The following URGCP variants were observed in gnomAD, a reference collection of about 807,000 sequenced individuals.
URGCP encodes up-regulator of cell proliferation.
Under a neutral mutation model 24.6 loss-of-function variants are expected in URGCP, and 13 were observed. The observed-to-expected ratio is 0.53, with a 90% CI of 0.34 to 0.84. URGCP has a LOEUF of 0.84. Among genes scored for constraint, URGCP ranks in the 40% least tolerant of loss-of-function variants. The pLI, the probability that URGCP is intolerant of heterozygous loss-of-function variation, is 0.01. For missense variants in URGCP, 899 were observed against 1,194.3 expected, an observed-to-expected ratio of 0.75 and a Z score of 3.64; for synonymous variants, 444 against 487.2, an observed-to-expected ratio of 0.91 and a Z score of 1.17.
At chr7:43,926,230 T>C (rs2095930146) in exon 1 of URGCP, 1 of 187,004 alleles carries the variant, frequency 5.3e-6, no homozygotes, top group African/African-American at 2.4e-5. Flanking sequence ...ACCTTGAGGG[T>C]GCTCCGCGCG....
Position 43,877,532 on chromosome 7 carries a change from G to A in URGCP, c.1931C>T (p.Ala644Val). The change falls in exon 6 of 6, where the codon GCC (alanine) becomes GTC (valine). Residue 644 changes from alanine (A) to valine (V), a missense_variant. Physicochemically the swap from Ala to Val is moderately conservative, Grantham distance 64. Transcript: ENST00000453200. Reference sequence around the variant, plus strand: ...CTCCGAGGCCAAGCCTGGGAAGTGGGCAAAACGCCTCTGGCCTGCCGGCAG... The same window carrying A: ...CTCCGAGGCCAAGCCTGGGAAGTGGACAAAACGCCTCTGGCCTGCCGGCAG... ...GRLPAGQRRF[A>V]HFPGLASELL... The A allele has an allele frequency of 6.2e-7, 1 of 1,613,112 alleles. No individual in the cohort carries two copies. The highest frequency in any genetic ancestry group is 8.5e-7 in the Non-Finnish European group (1 of 1,180,020).
chr7:43,914,355 T>C (rs1451629240), intron 1 of URGCP, among the ~76,000 whole-genome samples: 1 of 152,006 alleles, frequency 6.6e-6, no homozygotes, highest in Non-Finnish European at 1.5e-5. Context: ...TCAAAAAAAA[T>C]TTAGCCGGGT....
intron 1 of URGCP, among the ~76,000 whole-genome samples, chr7:43,890,935 A>G (rs2095869770): frequency 1.3e-5 from 2 of 152,250 alleles, no homozygotes; most frequent in South Asian, 4.1e-4. Flanking sequence ...ACAGAAGACA[A>G]TGCAGGGTTA....
intron 1 of URGCP, chr7:43,919,505 C>T: frequency 1.6e-6 from 2 of 1,239,900 alleles, no homozygotes; most frequent in African/African-American, 1.5e-5. Context: ...TCCACTTTCT[C>T]ATGACTGGCT....
intron 1 of URGCP, among the ~76,000 whole-genome samples, chr7:43,914,808 G>T (rs1638855285): frequency 1.3e-5 from 2 of 152,266 alleles, no homozygotes; most frequent in Middle Eastern, 3.4e-3. Context: ...CGGTTTCTTT[G>T]TAGGTTTTCT....
chr7:43,900,223 G>A (rs1477422820), intron 1 of URGCP, among the ~76,000 whole-genome samples: 2 of 151,836 alleles, frequency 1.3e-5, no homozygotes, highest in African/African-American at 2.4e-5. Context: ...GGGAGGCCAA[G>A]GCAGGCGGAT....
chr7:43,894,992 T>C (rs558401769), intron 1 of URGCP, among the ~76,000 whole-genome samples: 1 of 152,180 alleles, frequency 6.6e-6, no homozygotes, highest in Non-Finnish European at 1.5e-5. Flanking sequence ...ATCACACCAC[T>C]GCACTCCAGC....
chr7:43,914,937 T>G (rs1001520120), intron 1 of URGCP, among the ~76,000 whole-genome samples: 1 of 152,180 alleles, frequency 6.6e-6, no homozygotes, highest in African/African-American at 2.4e-5. Flanking sequence ...TTAACACAAA[T>G]GCAGTAAGGG....
rs746365757 is a variant in URGCP at position 43,879,200 on chromosome 7, T to C, written c.263A>G (p.Gln88Arg). The C allele has an allele frequency of 1.2e-6, 2 of 1,613,866 alleles. No homozygotes were observed. The highest frequency in any genetic ancestry group is 1.3e-5 in the African/African-American group (1 of 75,064). The change falls in exon 6 of 6, where the codon CAG becomes CGG. Residue 88 changes from glutamine (Q) to arginine (R), a missense_variant. Transcript: ENST00000453200. ...SLLGLETYQV[Q>R]KLSLQDSLQI... is the part of the protein sequence containing the mutation. ...CAGAGAGTCCTGGAGGCTGAGTTTC[T>C]GGACCTGGTACGTCTCTAGGCCCAA...
chr7:43,920,506 T>A (rs1585842080), intron 1 of URGCP, among the ~76,000 whole-genome samples: 1 of 152,206 alleles, frequency 6.6e-6, no homozygotes, highest in South Asian at 2.1e-4. Context: ...GAGGTTGCAG[T>A]GAGCCAAGAT....
At chr7:43,921,532 T>C (rs1294929938) in intron 1 of URGCP, among the ~76,000 whole-genome samples, 1 of 152,184 alleles carries the variant, frequency 6.6e-6, no homozygotes, top group African/African-American at 2.4e-5. Context: ...GGGACAGATA[T>C]TAGGTTTGCT....
chr7:43,883,451 C>T (rs1474591383), intron 3 of URGCP, among the ~76,000 whole-genome samples: 1 of 149,518 alleles, frequency 6.7e-6, no homozygotes, highest in Non-Finnish European at 1.5e-5. Flanking sequence ...AGCTCTGCCT[C>T]CCGGATTCAT....
chr7:43,878,683 C>T lies in URGCP; in HGVS notation c.780G>A (p.Ala260=), dbSNP rs1337170901. 1.4e-5 allele frequency: 22 copies of T among 1,613,540 alleles called. No homozygotes were observed. The Admixed American group carries it at 1.7e-4, about 12-fold the overall frequency. The change falls in exon 6 of 6, where the codon GCG becomes GCA. Residue 260 remains alanine, a synonymous_variant. Transcript: ENST00000453200. The surrounding 1 kb of genome is among the most constrained non-coding windows in gnomAD (Gnocchi z 5.6). Reference sequence around the variant, plus strand: ...CCATGCGCACGAAGGCGAAGGCGGGCGCCCTGGACAAGACCACGCTGTCTT... The same window carrying T: ...CCATGCGCACGAAGGCGAAGGCGGGTGCCCTGGACAAGACCACGCTGTCTT... The part of the protein sequence containing the change: ...FREDSVVLSR[A]PAFAFVRMDV...
intron 1 of URGCP, among the ~76,000 whole-genome samples, chr7:43,924,614 A>G (rs924417501): frequency 2.3e-4 from 35 of 152,194 alleles, no homozygotes; most frequent in African/African-American, 8.2e-4. Context: ...TTTGACACCA[A>G]GGGGAAGTGC....
At position 43,876,805 on chromosome 7, in the gene URGCP, A is replaced by G. The variant is rs754842270; in HGVS notation, c.2658T>C (p.Pro886=). The G allele has an allele frequency of 2.0e-5, 32 of 1,614,178 alleles. No individual in the cohort carries two copies. The East Asian group carries it at 6.5e-4, about 33-fold the overall frequency. ...WHIPGLWHGA[P]PMAAVSLAYS... ...AGGCCAAGCTCACTGCGGCCATGGG[A>G]GGTGCTCCGTGCCACAGGCCTGGGA... Residue 886 remains proline (P), a synonymous_variant, in exon 6 of 6, where the codon CCT becomes CCC. Coordinates refer to ENST00000453200, the MANE Select transcript of URGCP (RefSeq NM_001077663.3).
At chr7:43,917,807 T>C (rs1209419867) in intron 1 of URGCP, among the ~76,000 whole-genome samples, 1 of 152,008 alleles carries the variant, frequency 6.6e-6, no homozygotes, top group East Asian at 1.9e-4. Flanking sequence ...CCTGTCTCTA[T>C]AAAAAATAAA....
rs141959488 is a variant in URGCP at position 43,884,552 on chromosome 7, G to T, written c.113-2595C>A. Among the ~76,000 whole-genome samples, 501 of 152,336 alleles carry T rather than the reference G, an allele frequency of 3.3e-3. 3 individuals carry two copies. Among genetic ancestry groups the T allele is most frequent in the African/African-American group, 0.011 (459 of 41,564 alleles). ...GGCCATTAAAACCATTTTCAAGCCA[G>T]GTGGGGTGGTTCATATCTGTAACCA... On this transcript the variant is annotated intron_variant, in intron 3 of 5. Transcript: ENST00000453200.
chr7:43,926,408 C>T (rs1194793082), exon 1 of URGCP: 7 of 825,106 alleles, frequency 8.5e-6, no homozygotes, highest in Non-Finnish European at 1.1e-5. Context: ...GACGGCCCCA[C>T]AGTGCCCCGC....
At chr7:43,918,696 G>A (rs530557416) in intron 1 of URGCP, 6 of 679,924 alleles carry the variant, frequency 8.8e-6, no homozygotes, top group Non-Finnish European at 1.3e-5. Flanking sequence ...CCTGAGGAGC[G>A]ATACCAAGAG....
Sources: allele counts gnomAD v4.1 joint callset (sites outside exome capture counted in the v4.1 genomes callset), GRCh38; gene constraint gnomAD v4.1.1; non-coding constraint Gnocchi (gnomAD v3.1); transcripts MANE v1.5; gene names NCBI Gene and HGNC (gene_info 2026-07-23, HGNC 2026-07-21).